The following GAS2L3 variants were observed in gnomAD, a reference collection of about 807,000 sequenced individuals.
GAS2L3 encodes growth arrest specific 2 like 3.
A neutral mutation model predicts 37.0 loss-of-function variants in GAS2L3; 28 were observed. The ratio of observed to expected loss-of-function variants is 0.76; its 90% CI spans 0.56 to 1.04. GAS2L3 has a LOEUF of 1.04. Among genes scored for constraint, GAS2L3 ranks in the 50% least tolerant of loss-of-function variants. The probability of loss-of-function intolerance (pLI) is 0.00; values close to 1 mark genes in which losing one functional copy is unlikely to be tolerated. For missense variants in GAS2L3, 793 were observed against 817.6 expected (o/e 0.97, Z 0.37); for synonymous variants, 290 against 296.6 (o/e 0.98, Z 0.23).
chr12:100,574,928 A>G (rs891646443), intron 1 of GAS2L3, among the ~76,000 whole-genome samples: 2 of 152,190 alleles, frequency 1.3e-5, no homozygotes, highest in African/African-American at 4.8e-5. Context: ...TTAGAAACCA[A>G]CTGTCATTGA....
intron 5 of GAS2L3, 59 bp from the exon 6 acceptor site, chr12:100,611,940 TG>T: frequency 8.7e-7 from 1 of 1,145,490 alleles, no homozygotes; most frequent in Non-Finnish European, 1.3e-6. Context: ...AATATCAAAA[TG>T]AATGTTTAAT....
intron 1 of GAS2L3, among the ~76,000 whole-genome samples, chr12:100,576,649 A>T (rs1488652296): frequency 6.6e-6 from 1 of 152,218 alleles, no homozygotes; most frequent in Non-Finnish European, 1.5e-5. Context: ...CTTCAGAAGT[A>T]ATGTTTATGA....
rs1474262970 is a variant in GAS2L3 at position 100,621,895 on chromosome 12, GAGAGAGAGAGAGAA to G, written c.649-366_649-353del. On this transcript the variant is annotated intron_variant, in intron 8 of 9. Coordinates refer to ENST00000547754, the MANE Select transcript of GAS2L3 (RefSeq NM_174942.3). Reference sequence around the variant, plus strand: ...AGGGTGGGGGGGGGAGAGAGAGAGAGAGAGAGAGAGAGAAAGAGAGAGAGAGAGGCACTGAGAGA... The same window carrying G: ...AGGGTGGGGGGGGGAGAGAGAGAGAGAGAGAGAGAGAGAGGCACTGAGAGA... Among the ~76,000 whole-genome samples the G allele has an allele frequency of 7.3e-5, 11 of 150,404 alleles. 1 individual carries two copies. In the South Asian group the frequency reaches 2.1e-3, roughly 29 times the overall value.
intron 1 of GAS2L3, among the ~76,000 whole-genome samples, chr12:100,575,584 C>T (rs1057048551): frequency 6.9e-5 from 10 of 144,034 alleles, no homozygotes; most frequent in Non-Finnish European, 1.2e-4. Context: ...CGGGTTCAAG[C>T]GATTCTCCTG....
rs1296994468 is a variant in GAS2L3, at chr12:100,618,465, C to A, written c.526C>A (p.Pro176Thr). The change falls in exon 8 of 10, where the codon CCA becomes ACA. Residue 176 changes from proline to threonine, a missense_variant. Physicochemically the swap from Pro to Thr is conservative, Grantham distance 38. Transcript: ENST00000547754. The stretch of plus-strand genomic sequence containing the variant: ...GGTTTTCAGATACGGGGTTGAGCCA[C>A]CAGTGTTAGTAAAACTTGAGAAAGA... Reference protein sequence around the residue: ...RIVSRYGVEPPVLVKLEKEIE... With the variant: ...RIVSRYGVEPTVLVKLEKEIE... 1.9e-6 allele frequency: 3 copies of A among 1,609,752 alleles called. No individual in the cohort carries two copies. Among genetic ancestry groups the A allele is most frequent in the Admixed American group, 1.7e-5 (1 of 59,474 alleles).
rs540259072 is a variant in GAS2L3, at chr12:100,609,544, G to A, written c.304-2456G>A. 2.4e-3 allele frequency among the ~76,000 whole-genome samples: 371 copies of A among 152,266 alleles called. 1 individual carries two copies. Among genetic ancestry groups the A allele is most frequent in the Non-Finnish European group, 3.8e-3 (259 of 68,002 alleles). ...AAGCACACGCTTAGCCACCCTGGTTGATGTCTCAGTAGGTCATATGCCCCT... is the reference window on the plus strand; with the variant it reads ...AAGCACACGCTTAGCCACCCTGGTTAATGTCTCAGTAGGTCATATGCCCCT... On this transcript the variant is annotated intron_variant, in intron 5 of 9. Coordinates refer to ENST00000547754, the MANE Select transcript of GAS2L3 (RefSeq NM_174942.3).
At chr12:100,584,723 C>T (rs1394770248) in intron 1 of GAS2L3, among the ~76,000 whole-genome samples, 1 of 151,258 alleles carries the variant, frequency 6.6e-6, no homozygotes, top group African/African-American at 2.4e-5. Context: ...ATGGGTGCTG[C>T]TGCCATGCCC....
At chr12:100,597,324 C>G (rs1175673804) in intron 3 of GAS2L3, among the ~76,000 whole-genome samples, 1 of 152,008 alleles carries the variant, frequency 6.6e-6, no homozygotes, top group Non-Finnish European at 1.5e-5. Flanking sequence ...TTGCTAATAT[C>G]TATTCCTCAA....
intron 5 of GAS2L3, among the ~76,000 whole-genome samples, chr12:100,606,754 G>A (rs1421996562): frequency 6.6e-6 from 1 of 151,972 alleles, no homozygotes. Context: ...ATAGCAAAAA[G>A]AAAACTAATA....
intron 5 of GAS2L3, among the ~76,000 whole-genome samples, chr12:100,605,150 G>A (rs886350246): frequency 6.6e-6 from 1 of 152,026 alleles, no homozygotes; most frequent in Admixed American, 6.5e-5. Context: ...TTTCAGAATA[G>A]TTTGAGTAGG....
At chr12:100,578,313 G>C (rs568538195) in intron 1 of GAS2L3, among the ~76,000 whole-genome samples, 8 of 152,256 alleles carry the variant, frequency 5.3e-5, no homozygotes, top group African/African-American at 2.4e-5. Flanking sequence ...GAATTTTAAT[G>C]GTGTTCCCTG....
chr12:100,626,143 C>T lies in GAS2L3; in HGVS notation c.*1253C>T, dbSNP rs1274398163. On this transcript the variant is annotated 3_prime_UTR_variant, in exon 10 of 10. Transcript: ENST00000547754. ...AGAAGTTTTAAGAGTGCTTTTAAAA[C>T]TTCACAGTATTGCCAATTATCTTAG... 1.3e-5 allele frequency: 2 copies of T among 152,160 alleles called. No homozygotes were observed. The highest frequency in any genetic ancestry group is 3.8e-4 in the East Asian group (2 of 5,200). The allele number at this position is 152,160 out of a possible 1,614,324, so 9.4% of individuals were successfully genotyped here.
chr12:100,610,337 A>G (rs550972468), intron 5 of GAS2L3, among the ~76,000 whole-genome samples: 81 of 152,356 alleles, frequency 5.3e-4, no homozygotes, highest in African/African-American at 1.5e-3. Flanking sequence ...TTTGAACCCC[A>G]GATGATGTCT....
intron 9 of GAS2L3, among the ~76,000 whole-genome samples, chr12:100,622,602 A>G (rs1956269390): frequency 6.6e-6 from 1 of 151,900 alleles, no homozygotes; most frequent in Non-Finnish European, 1.5e-5. Flanking sequence ...ACTTCAGGAT[A>G]GCTAAGATTA....
chr12:100,613,978 T>A (rs1175469773), intron 6 of GAS2L3, among the ~76,000 whole-genome samples: 1 of 152,160 alleles, frequency 6.6e-6, no homozygotes, highest in Non-Finnish European at 1.5e-5. Flanking sequence ...TTCAGAAGTT[T>A]CCTAGAGTTT....
At position 100,622,749 on chromosome 12, in the gene GAS2L3, T is replaced by TAAAAAAAAAAAAAAAAAAAAAAAAA; in HGVS notation, c.756+376_756+400dup. ...ATCTAATAAGATTGAGTATCCATAG[T>TAAAAAAAAAAAAAAAAAAAAAAAAA]AAAAAAAAAAAAAAAAAAAAAAAAA... On this transcript the variant is annotated intron_variant, in intron 9 of 9. Coordinates refer to ENST00000547754, the MANE Select transcript of GAS2L3 (RefSeq NM_174942.3). Among the ~76,000 whole-genome samples, 13 of 26,840 alleles carry TAAAAAAAAAAAAAAAAAAAAAAAAA rather than the reference T, an allele frequency of 4.8e-4. 1 individual carries two copies. Among genetic ancestry groups the TAAAAAAAAAAAAAAAAAAAAAAAAA allele is most frequent in the South Asian group, 2.9e-3 (1 of 344 alleles). 17.6% of individuals were successfully genotyped at this position (26,840 alleles called of 152,430 possible). A position where few individuals can be genotyped will look rare whatever the true frequency, so the allele number is the denominator to read the frequency against.
intron 1 of GAS2L3, among the ~76,000 whole-genome samples, chr12:100,586,427 A>G (rs772321006): frequency 3.9e-5 from 6 of 152,198 alleles, no homozygotes; most frequent in Non-Finnish European, 8.8e-5. Context: ...TCCAAAAGGA[A>G]CCTTCAAAAC....
chr12:100,604,012 A>C (rs188046239), intron 5 of GAS2L3, among the ~76,000 whole-genome samples: 180 of 151,418 alleles, frequency 1.2e-3, no homozygotes, highest in African/African-American at 4.3e-3. Context: ...CCAGTACCAT[A>C]CTGTTTTGGT....
Position 100,623,886 on chromosome 12 carries a change from G to A in GAS2L3, c.1081G>A (p.Gly361Arg), listed in dbSNP as rs774508092. The change falls in exon 10 of 10, where the codon GGA (glycine) becomes AGA (arginine). Residue 361 changes from glycine (G) to arginine (R), a missense_variant. Transcript: ENST00000547754. Reference protein sequence around the residue: ...GALVPASSLKGGNLGSMSVRS... With the variant: ...GALVPASSLKRGNLGSMSVRS... ...ATTGGTGCCAGCATCTTCACTGAAA[G>A]GAGGTAATCTGGGCTCTATGTCAGT... 6.2e-6 allele frequency: 10 copies of A among 1,613,968 alleles called. No individual in the cohort carries two copies. In the Admixed American group the frequency reaches 1.0e-4, roughly 16 times the overall value.
Sources: allele counts gnomAD v4.1 joint callset (sites outside exome capture counted in the v4.1 genomes callset), GRCh38; gene constraint gnomAD v4.1.1; transcripts MANE v1.5; gene names NCBI Gene and HGNC (gene_info 2026-07-23, HGNC 2026-07-21).